Variants in LIFR observed in about 807,000 individuals in gnomAD.
LIFR encodes the protein leukemia inhibitory factor receptor.
LIFR carries 84 observed loss-of-function variants against 122.2 expected under a neutral mutation model. That is an observed-to-expected ratio of 0.69 (90% CI 0.58 to 0.82). The LOEUF is 0.82. LIFR is among the 40% of genes least tolerant of loss of function. LIFR has a pLI of 0.00. For missense variants in LIFR, 1,294 were observed against 1,311.6 expected, an observed-to-expected ratio of 0.99 and a Z score of 0.21; for synonymous variants, 422 against 434.7, an observed-to-expected ratio of 0.97 and a Z score of 0.36.
intron 1 of LIFR, among the ~76,000 whole-genome samples, chr5:38,573,429 T>C (rs1224692656): frequency 6.6e-6 from 1 of 152,244 alleles, no homozygotes; most frequent in Admixed American, 6.5e-5. Flanking sequence ...ACCTGTTACA[T>C]ATTACCATAT....
Position 38,509,282 on chromosome 5 carries a change from G to C in LIFR, c.991+1182C>G, listed in dbSNP as rs1321995483. 2.6e-5 allele frequency among the ~76,000 whole-genome samples: 4 copies of C among 152,134 alleles called. No homozygotes were observed. In the East Asian group the frequency reaches 7.7e-4, roughly 29 times the overall value. Reference sequence around the variant, plus strand: ...CCACTGGGTCTCAACTTAGACTCCAGGACTATTTGTGAGAAATGTTGCAAG... The same window carrying C: ...CCACTGGGTCTCAACTTAGACTCCACGACTATTTGTGAGAAATGTTGCAAG... On this transcript the variant is annotated intron_variant, in intron 7 of 19. Transcript: ENST00000453190.
intron 1 of LIFR, chr5:38,579,528 A>G (rs1004720300): frequency 1.3e-5 from 2 of 152,204 alleles, no homozygotes; most frequent in Admixed American, 6.5e-5. Flanking sequence ...GAGCTATGCA[A>G]TGTAAACCAG....
chr5:38,492,219 C>G (rs1744631782), intron 14 of LIFR, among the ~76,000 whole-genome samples: 1 of 152,186 alleles, frequency 6.6e-6, no homozygotes, highest in African/African-American at 2.4e-5. Flanking sequence ...CCTAACTTCT[C>G]TGAGTTTTTG....
intron 1 of LIFR, among the ~76,000 whole-genome samples, chr5:38,564,664 C>A (rs1355376469): frequency 1.3e-5 from 2 of 150,512 alleles, no homozygotes; most frequent in Admixed American, 1.3e-4. Flanking sequence ...TTTTTGTCTC[C>A]ATTGGATTTA....
rs1340473650 is a variant in LIFR, at chr5:38,477,001, T to C, written c.*4594A>G. The C allele has an allele frequency of 3.6e-5, 8 of 223,822 alleles. No individual in the cohort carries two copies. The Admixed American group carries it at 4.6e-4, about 13-fold the overall frequency. The allele number at this position is 223,822 out of a possible 1,614,324, so 13.9% of individuals were successfully genotyped here. On this transcript the variant is annotated 3_prime_UTR_variant, in exon 20 of 20. Transcript: ENST00000453190. Reference sequence around the variant, plus strand: ...CATAATTACAAGGATCTGGATATATTCTAGACCAAATCACACTCCCTGAAA... The same window carrying C: ...CATAATTACAAGGATCTGGATATATCCTAGACCAAATCACACTCCCTGAAA...
chr5:38,589,959 C>T (rs920662940), intron 1 of LIFR, among the ~76,000 whole-genome samples: 20 of 152,284 alleles, frequency 1.3e-4, no homozygotes, highest in African/African-American at 3.1e-4. Flanking sequence ...ATGTAGTTAA[C>T]TCATTTAATT....
rs773625392 is a variant in LIFR, at chr5:38,510,550, C to T, written c.905G>A (p.Arg302His). ...ACTACTTGCAGAAACAGAAATATTA[C>T]GAATCTTGATTGCAACATTTTCCCC... Reference protein sequence around the residue: ...LDGENVAIKIRNISVSASSGT... With the variant: ...LDGENVAIKIHNISVSASSGT... Residue 302 changes from arginine to histidine, a missense_variant, in exon 7 of 20, where the codon CGT becomes CAT. Physicochemically the swap from Arg to His is conservative, Grantham distance 29. Coordinates refer to ENST00000453190, the MANE Select transcript of LIFR (RefSeq NM_001127671.2). The T allele has an allele frequency of 2.2e-5, 35 of 1,613,892 alleles. No individual in the cohort carries two copies. Among genetic ancestry groups the T allele is most frequent in the African/African-American group, 5.3e-5 (4 of 75,012 alleles).
At position 38,530,676 on chromosome 5, in the gene LIFR, G is replaced by A. The variant is rs775849083; in HGVS notation, c.-19-10C>T. ...TGCAATGCAGTCAGTCCTAGGTTAG[G>A]AGAGGAATTCCAGATGGTGTTCAGA... On this transcript the variant is annotated splice_polypyrimidine_tract_variant and intron_variant, in intron 1 of 19. Transcript: ENST00000453190. The A allele has an allele frequency of 3.7e-6, 6 of 1,612,164 alleles. No individual in the cohort carries two copies. The highest frequency in any genetic ancestry group is 3.3e-5 in the South Asian group (3 of 91,064).
chr5:38,604,358 A>G (rs1750282145), intron 2 of LIFR, among the ~76,000 whole-genome samples: 1 of 152,202 alleles, frequency 6.6e-6, no homozygotes, highest in African/African-American at 2.4e-5. Flanking sequence ...AGAGACAGCC[A>G]TTTGTTTTGT....
chr5:38,567,736 C>T (rs1359469359), intron 1 of LIFR, among the ~76,000 whole-genome samples: 2 of 151,920 alleles, frequency 1.3e-5, no homozygotes, highest in African/African-American at 4.8e-5. Flanking sequence ...GCCATGTTGG[C>T]CAGGCTGGTC....
intron 4 of LIFR, among the ~76,000 whole-genome samples, 188 bp from the exon 5 acceptor site, chr5:38,523,770 A>T (rs994668078): frequency 1.3e-5 from 2 of 152,228 alleles, no homozygotes; most frequent in Non-Finnish European, 2.9e-5. Context: ...TATGGAAAAG[A>T]TAAAATGTCA....
chr5:38,530,954 T>A, intron 1 of LIFR: 1 of 308,220 alleles, frequency 3.2e-6, no homozygotes, highest in Non-Finnish European at 6.1e-6. Context: ...CACATGGCTA[T>A]CAACTCTACT....
chr5:38,503,966 A>C lies in LIFR; in HGVS notation c.1437+10T>G. ...AATAATCACAAAGGAAGTCTTTAAG[A>C]GAATCTTACCTGCTCTTGTACTGAA... On this transcript the variant is annotated intron_variant, in intron 10 of 19. Coordinates refer to ENST00000453190, the MANE Select transcript of LIFR (RefSeq NM_001127671.2). 5 of 1,538,346 alleles carry C rather than the reference A, an allele frequency of 3.3e-6. No homozygotes were observed. The highest frequency in any genetic ancestry group is 3.6e-6 in the Non-Finnish European group (4 of 1,112,328).
At chr5:38,559,986 A>G (rs1412877563), upstream of LIFR, among the ~76,000 whole-genome samples, 1 of 152,230 alleles carries the variant, frequency 6.6e-6, no homozygotes, top group Non-Finnish European at 1.5e-5. Flanking sequence ...TGGAAATGAA[A>G]CGCTTTGTTT....
At chr5:38,558,695 T>C (rs1239246931), upstream of LIFR, 1 of 152,052 alleles carries the variant, frequency 6.6e-6, no homozygotes, top group African/African-American at 2.4e-5. Context: ...ACAATCGTGG[T>C]GGAAGGAGAA....
chr5:38,527,955 C>T lies in LIFR; in HGVS notation c.258-661G>A, dbSNP rs3756421. Among the ~76,000 whole-genome samples the T allele has an allele frequency of 0.017, 2,545 of 152,280 alleles. 193 individuals carry two copies. The East Asian group carries it at 0.25, about 15-fold the overall frequency. ...CATGCCTCTTGCATTCCTGCCCCCA[C>T]CAACTACCCAGCCCCAGCCTTAGGG... is the stretch of plus-strand genomic sequence containing the variant. On this transcript the variant is annotated intron_variant, in intron 3 of 19. Transcript: ENST00000453190.
chr5:38,603,067 A>C (rs761409376), intron 2 of LIFR, among the ~76,000 whole-genome samples: 1 of 152,188 alleles, frequency 6.6e-6, no homozygotes, highest in Non-Finnish European at 1.5e-5. Context: ...CGCCCACCCG[A>C]AGGAAAGAAT....
At chr5:38,556,695 G>A (rs1401165820), upstream of LIFR, 34 of 145,280 alleles carry the variant, frequency 2.3e-4, no homozygotes, top group African/African-American at 7.6e-4. Context: ...GGGGCGCAGC[G>A]GGCCCGGCCC....
At chr5:38,535,994 G>C (rs1235635325) in intron 1 of LIFR, among the ~76,000 whole-genome samples, 1 of 152,152 alleles carries the variant, frequency 6.6e-6, no homozygotes, top group African/African-American at 2.4e-5. Flanking sequence ...GTTAGTTCAA[G>C]GTAGTCCACA....
Sources: gnomAD v4.1 joint callset for allele counts (sites outside exome capture counted in the v4.1 genomes callset) on GRCh38, gnomAD v4.1.1 for gene constraint, MANE v1.5 for transcripts, NCBI Gene and HGNC (gene_info 2026-07-23, HGNC 2026-07-21) for gene names.